MAP4K4: variants seen among roughly 807,000 people sequenced by gnomAD.
MAP4K4 encodes the protein mitogen-activated protein kinase kinase kinase kinase 4, also known as HPK/GCK-like kinase HGK.
In MAP4K4, 38 loss-of-function variants were observed where a neutral mutation model predicts 189.6. The ratio of observed to expected loss-of-function variants is 0.20; its 90% confidence interval spans 0.15 to 0.26. The LOEUF (loss-of-function observed/expected upper bound fraction) is 0.26, where lower values mean the gene tolerates loss of function less well. MAP4K4 is among the 10% of genes least tolerant of loss of function. The probability of loss-of-function intolerance (pLI) is 1.00; values close to 1 mark genes in which losing one functional copy is unlikely to be tolerated. For missense variants in MAP4K4, 1,054 were observed against 1,726.9 expected (o/e 0.61, Z 6.91); for synonymous variants, 610 against 624.3 (o/e 0.98, Z 0.34).
intron 2 of MAP4K4, among the ~76,000 whole-genome samples, chr2:101,749,865 C>T (rs901395802): frequency 9.5e-6 from 1 of 104,844 alleles, no homozygotes; most frequent in African/African-American, 6.0e-5. Flanking sequence ...TGAACAGACA[C>T]TTCTCAAAAG....
chr2:101,723,335 A>G (rs1261231849), intron 2 of MAP4K4, among the ~76,000 whole-genome samples: 1 of 152,244 alleles, frequency 6.6e-6, no homozygotes, highest in Non-Finnish European at 1.5e-5. Flanking sequence ...TACGCTAGTA[A>G]CATATTGTAA....
intron 2 of MAP4K4, among the ~76,000 whole-genome samples, chr2:101,780,902 T>C (rs2087003853): frequency 2.6e-5 from 4 of 152,220 alleles, no homozygotes; most frequent in African/African-American, 9.6e-5. Context: ...CTAAAATAAA[T>C]GAATAACTTT....
At chr2:101,843,724 G>A (rs1165653180) in intron 11 of MAP4K4, among the ~76,000 whole-genome samples, 2 of 152,094 alleles carry the variant, frequency 1.3e-5, no homozygotes, top group Non-Finnish European at 1.5e-5. Context: ...AAGGAATGGT[G>A]TAAACACTGA....
At chr2:101,867,545 A>G (rs1315749161) in intron 20 of MAP4K4, 1 of 478,788 alleles carries the variant, frequency 2.1e-6, no homozygotes, top group African/African-American at 1.9e-5. Flanking sequence ...CCAGCCATAC[A>G]CTTGGTGTAC....
intron 3 of MAP4K4, among the ~76,000 whole-genome samples, chr2:101,812,519 G>A (rs142000143): frequency 5.9e-5 from 9 of 152,094 alleles, no homozygotes; most frequent in Non-Finnish European, 8.8e-5. Context: ...ACAATGGCAA[G>A]TTAATGAACT....
intron 6 of MAP4K4, chr2:101,829,857 G>T: frequency 3.0e-6 from 1 of 335,240 alleles, no homozygotes. Flanking sequence ...CCTGCTTAAA[G>T]AACCTTAATG....
At chr2:101,891,475 A>C in exon 33 of MAP4K4, 1 of 476,802 alleles carries the variant, frequency 2.1e-6, no homozygotes. Flanking sequence ...GCTGCAATGC[A>C]GCTGGTGCTG....
At chr2:101,827,358 C>T (rs1247241817) in intron 5 of MAP4K4, among the ~76,000 whole-genome samples, 2 of 151,946 alleles carry the variant, frequency 1.3e-5, no homozygotes, top group Admixed American at 6.6e-5. Flanking sequence ...AGGGAGAGTT[C>T]CTGTGTCATG....
At chr2:101,892,287 A>G (rs1489079098) in exon 33 of MAP4K4, 2 of 152,874 alleles carry the variant, frequency 1.3e-5, no homozygotes, top group African/African-American at 4.8e-5. Context: ...GTTTAATTTA[A>G]TCTTAATACC....
At chr2:101,708,978 C>G (rs1399008844) in intron 2 of MAP4K4, among the ~76,000 whole-genome samples, 2 of 152,240 alleles carry the variant, frequency 1.3e-5, no homozygotes, top group South Asian at 4.2e-4. Context: ...TACCTGTTCA[C>G]CAATTGATAG....
At chr2:101,737,451 ATATATATATATTTTTTTT>A (rs2060780722) in intron 2 of MAP4K4, among the ~76,000 whole-genome samples, 1 of 36,126 alleles carries the variant, frequency 2.8e-5, no homozygotes, top group African/African-American at 1.7e-4. Flanking sequence ...ATATATATAT[ATATATATATATTTTTTTT>A]TTTTTTTTTT....
chr2:101,822,276 C>T (rs1355677419), intron 3 of MAP4K4, among the ~76,000 whole-genome samples: 1 of 152,160 alleles, frequency 6.6e-6, no homozygotes, highest in African/African-American at 2.4e-5. Context: ...GTAGCCTTAA[C>T]CACAAACAAT....
chr2:101,808,058 C>T (rs935139302), intron 3 of MAP4K4, among the ~76,000 whole-genome samples: 20 of 152,216 alleles, frequency 1.3e-4, no homozygotes, highest in African/African-American at 3.9e-4. Context: ...AGCCCAACAA[C>T]GGAAGTTTTC....
intron 3 of MAP4K4, among the ~76,000 whole-genome samples, chr2:101,804,998 CA>C (rs1449521390): frequency 6.8e-6 from 1 of 148,038 alleles, no homozygotes; most frequent in African/African-American, 2.5e-5. Context: ...CGCTCGAACC[CA>C]GGAGGCGGAG....
rs1222275209 is a variant in MAP4K4, at chr2:101,870,549, C to G, written c.2760+134C>G. On this transcript the variant is annotated intron_variant, in intron 23 of 32. Coordinates refer to ENST00000324219, the Ensembl canonical transcript of MAP4K4. ...TAACAAGTCCCAGAGGGTCAAGTGT[C>G]GAGTGTCGGGGGCTAGGGAGGCAGG... 7.0e-6 allele frequency: 9 copies of G among 1,279,666 alleles called. No individual in the cohort carries two copies. In the Admixed American group the frequency reaches 2.1e-4, roughly 30 times the overall value. The allele number at this position is 1,279,666 out of a possible 1,614,324, so 79.3% of individuals were successfully genotyped here.
intron 18 of MAP4K4, among the ~76,000 whole-genome samples, chr2:101,865,310 G>A (rs367945381): frequency 6.6e-6 from 1 of 152,156 alleles, no homozygotes; most frequent in Non-Finnish European, 1.5e-5. Context: ...AGCAAGGAAG[G>A]GGGAGAAGTT....
chr2:101,863,853 C>G (rs2097741432), exon 17 of MAP4K4: 1 of 1,367,704 alleles, frequency 7.3e-7, no homozygotes, highest in Non-Finnish European at 9.8e-7. Context: ...CTCTCAAGAA[C>G]AATGTTTCCC....
chr2:101,737,430 T>G (rs1387844685), intron 2 of MAP4K4, among the ~76,000 whole-genome samples: 3 of 28,720 alleles, frequency 1.0e-4, no homozygotes, highest in South Asian at 1.9e-3. Flanking sequence ...TTGTGAGATA[T>G]ATATATATAT....
chr2:101,863,726 G>C (rs1276000489), intron 16 of MAP4K4, 95 bp from the exon 17 acceptor site: 2 of 740,510 alleles, frequency 2.7e-6, no homozygotes, highest in African/African-American at 3.6e-5. Context: ...TGTGTATTCC[G>C]CCTCTGCCAG....
Sources: allele counts gnomAD v4.1 joint callset (sites outside exome capture counted in the v4.1 genomes callset), GRCh38; gene constraint gnomAD v4.1.1; transcripts MANE v1.5; gene names NCBI Gene and HGNC (gene_info 2026-07-23, HGNC 2026-07-21).